Variants in CDH1 observed in about 807,000 individuals in gnomAD.
CDH1 encodes the protein cadherin-1.
Under a neutral mutation model 84.5 loss-of-function variants are expected in CDH1, and 35 were observed. The observed-to-expected ratio is 0.41, with a 90% CI of 0.32 to 0.55. The LOEUF (loss-of-function observed/expected upper bound fraction) is 0.55. Among genes scored for constraint, CDH1 ranks in the 20% least tolerant of loss-of-function variants. The pLI, the probability that CDH1 is intolerant of heterozygous loss-of-function variation, is 0.19. For synonymous variants in CDH1, 417 were observed against 439.0 expected (o/e 0.95, Z 0.63); for missense variants, 994 against 1,126.6 (o/e 0.88, Z 1.68).
intron 2 of CDH1, among the ~76,000 whole-genome samples, chr16:68,767,322 G>A (rs981724833): frequency 2.6e-5 from 4 of 151,892 alleles, no homozygotes; most frequent in African/African-American, 4.8e-5. Flanking sequence ...AGCCTCCCGA[G>A]TAGCTGGGAT....
intron 2 of CDH1, among the ~76,000 whole-genome samples, chr16:68,793,170 C>T (rs1048500673): frequency 6.6e-6 from 1 of 152,152 alleles, no homozygotes; most frequent in Admixed American, 6.5e-5. Flanking sequence ...CTTATCTTCC[C>T]TGGAAAAATG....
chr16:68,789,688 T>G (rs562683457), intron 2 of CDH1, among the ~76,000 whole-genome samples: 1 of 152,308 alleles, frequency 6.6e-6, no homozygotes, highest in East Asian at 1.9e-4. Context: ...CCCTCACTCC[T>G]TAGTTGCTAC....
chr16:68,824,524 G>A (rs896808707), intron 13 of CDH1, among the ~76,000 whole-genome samples: 1 of 152,140 alleles, frequency 6.6e-6, no homozygotes, highest in Non-Finnish European at 1.5e-5. Flanking sequence ...TATACCATTG[G>A]CCCAAACACA....
intron 13 of CDH1, among the ~76,000 whole-genome samples, chr16:68,826,089 G>A (rs924339717): frequency 6.6e-6 from 1 of 152,044 alleles, no homozygotes. Context: ...CAAAGTGTTG[G>A]GATTATAGGC....
At chr16:68,768,447 C>A (rs1959452321) in intron 2 of CDH1, among the ~76,000 whole-genome samples, 1 of 152,198 alleles carries the variant, frequency 6.6e-6, no homozygotes, top group Admixed American at 6.5e-5. Context: ...CCACAGAGCT[C>A]TTACCTTCAT....
intron 2 of CDH1, among the ~76,000 whole-genome samples, chr16:68,796,998 T>G (rs1272839895): frequency 6.6e-6 from 1 of 151,998 alleles, no homozygotes; most frequent in Non-Finnish European, 1.5e-5. Context: ...ATTACATTTT[T>G]TGCTGAAATA....
At chr16:68,782,317 C>G (rs750313958) in intron 2 of CDH1, among the ~76,000 whole-genome samples, 1 of 152,174 alleles carries the variant, frequency 6.6e-6, no homozygotes, top group South Asian at 2.1e-4. Context: ...GGGGCACTGC[C>G]TCTCCTTAGG....
At chr16:68,769,129 G>A (rs1023155813) in intron 2 of CDH1, among the ~76,000 whole-genome samples, 1 of 152,146 alleles carries the variant, frequency 6.6e-6, no homozygotes, top group African/African-American at 2.4e-5. Flanking sequence ...CTCCTTGAGG[G>A]TGGGTCTGTT....
rs1271615724 is a variant in CDH1 at position 68,833,550 on chromosome 16, T to G, written c.*51T>G. ...ACCCATGTGCTGGGAAATGCAGAAA[T>G]CACGTTGCTGGTGGTTTTTCAGCTC... is the stretch of plus-strand genomic sequence containing the variant. On this transcript the variant is annotated 3_prime_UTR_variant, in exon 16 of 16. Transcript: ENST00000261769. 6.8e-7 allele frequency: 1 copy of G among 1,475,722 alleles called. No homozygotes were observed. Among genetic ancestry groups the G allele is most frequent in the Non-Finnish European group, 9.5e-7 (1 of 1,055,962 alleles). 91.4% of individuals were successfully genotyped at this position (1,475,722 alleles called of 1,614,324 possible).
chr16:68,764,136 G>A (rs1213065888), intron 2 of CDH1, among the ~76,000 whole-genome samples: 1 of 152,204 alleles, frequency 6.6e-6, no homozygotes, highest in Non-Finnish European at 1.5e-5. Flanking sequence ...TGGGGGATGG[G>A]CTATGAAGCT....
At chr16:68,817,665 C>A (rs2152135893) in intron 10 of CDH1, among the ~76,000 whole-genome samples, 1 of 152,226 alleles carries the variant, frequency 6.6e-6, no homozygotes, top group East Asian at 1.9e-4. Flanking sequence ...TTCTTGCCCC[C>A]ACCGACCCCT....
intron 2 of CDH1, among the ~76,000 whole-genome samples, chr16:68,760,355 C>T (rs1413091543): frequency 6.7e-6 from 1 of 149,296 alleles, no homozygotes; most frequent in Non-Finnish European, 1.5e-5. Context: ...CCCCATGATC[C>T]TCCCCCACTC....
At chr16:68,784,134 G>A (rs1469474723) in intron 2 of CDH1, among the ~76,000 whole-genome samples, 1 of 152,124 alleles carries the variant, frequency 6.6e-6, no homozygotes, top group African/African-American at 2.4e-5. Flanking sequence ...GAGTCCCTCT[G>A]TGAGATGAAG....
intron 4 of CDH1, 45 bp downstream of exon 4, chr16:68,808,612 G>A (rs2152129920): frequency 5.0e-6 from 8 of 1,613,756 alleles, no homozygotes; most frequent in Non-Finnish European, 6.8e-6. Context: ...ATTTGGCAGA[G>A]AAGTACCAAG....
chr16:68,763,445 C>G (rs1212638461), intron 2 of CDH1: 4 of 152,208 alleles, frequency 2.6e-5, no homozygotes, highest in Non-Finnish European at 5.9e-5. Context: ...AGCCTCCTCC[C>G]CACTTTACAG....
intron 2 of CDH1, among the ~76,000 whole-genome samples, chr16:68,790,317 A>C (rs60302411): frequency 0.27 from 40,880 of 151,964 alleles, 5,660 homozygotes; most frequent in Middle Eastern, 0.32. Flanking sequence ...GGTCTCCCTA[A>C]CCTCGGGGAA....
At chr16:68,828,492 A>C (rs1263152745) in intron 14 of CDH1, among the ~76,000 whole-genome samples, 188 bp downstream of exon 14, 1 of 152,182 alleles carries the variant, frequency 6.6e-6, no homozygotes, top group Non-Finnish European at 1.5e-5. Context: ...CACAGCTAAC[A>C]TTTATTGATC....
chr16:68,802,484 C>T lies in CDH1; in HGVS notation c.387+591C>T, dbSNP rs561201460. ...GAGCTGGATTCTTCTCTCTCTCTCT[C>T]TTTTTTTTTTAAGACGTAGTCTCAC... On this transcript the variant is annotated intron_variant, in intron 3 of 15. Coordinates refer to ENST00000261769, the MANE Select transcript of CDH1 (RefSeq NM_004360.5). Among the ~76,000 whole-genome samples the T allele has an allele frequency of 1.1e-4, 16 of 149,334 alleles. No homozygotes were observed. In the East Asian group the frequency reaches 3.1e-3, roughly 29 times the overall value.
At chr16:68,759,090 C>T (rs1168514639) in intron 2 of CDH1, among the ~76,000 whole-genome samples, 7 of 152,148 alleles carry the variant, frequency 4.6e-5, no homozygotes, top group Non-Finnish European at 1.0e-4. Context: ...GCCACCGTGC[C>T]CAGCTAATTA....
Sources: allele counts gnomAD v4.1 joint callset (sites outside exome capture counted in the v4.1 genomes callset), GRCh38; gene constraint gnomAD v4.1.1; transcripts MANE v1.5; gene names NCBI Gene and HGNC (gene_info 2026-07-23, HGNC 2026-07-21).